Variants in MAGI1 observed in about 807,000 individuals in gnomAD.
MAGI1 encodes membrane-associated guanylate kinase, WW and PDZ domain-containing protein 1.
In MAGI1, 58 loss-of-function variants were observed where a neutral mutation model predicts 139.9. That is an observed-to-expected ratio of 0.41 (90% CI 0.34 to 0.52). The LOEUF is 0.52. Ranked by LOEUF, MAGI1 falls within the 20% of genes least tolerant of loss-of-function variation. MAGI1 has a pLI of 0.12. For missense variants in MAGI1, 1,874 were observed against 1,901.6 expected (o/e 0.99, Z 0.27); for synonymous variants, 812 against 737.9 (o/e 1.10, Z -1.63).
chr3:65,854,192 A>G (rs955071312), intron 1 of MAGI1, among the ~76,000 whole-genome samples: 6 of 144,426 alleles, frequency 4.2e-5, no homozygotes, highest in African/African-American at 1.6e-4. Context: ...AAAAAAAAAA[A>G]GCATCGGCTA....
At chr3:65,699,666 G>A (rs1396159456) in intron 1 of MAGI1, among the ~76,000 whole-genome samples, 1 of 142,766 alleles carries the variant, frequency 7.0e-6, no homozygotes. Context: ...TCATAGGTGG[G>A]AATTGAACAA....
chr3:65,841,848 G>A (rs1575670335), intron 1 of MAGI1, among the ~76,000 whole-genome samples: 2 of 152,050 alleles, frequency 1.3e-5, no homozygotes, highest in East Asian at 1.9e-4. Context: ...ATCAGGTCCC[G>A]AAATTTAGAG....
chr3:65,772,174 C>T (rs1255841990), intron 1 of MAGI1, among the ~76,000 whole-genome samples: 3 of 151,938 alleles, frequency 2.0e-5, no homozygotes, highest in East Asian at 1.9e-4. Context: ...CCAGCTTGAG[C>T]GACAGAGCAA....
intron 1 of MAGI1, among the ~76,000 whole-genome samples, chr3:65,852,170 C>T (rs1248001423): frequency 1.3e-5 from 2 of 152,186 alleles, no homozygotes; most frequent in African/African-American, 4.8e-5. Flanking sequence ...CTATATCTGT[C>T]CTCCTTGGTG....
chr3:65,967,903 G>A (rs752485247), intron 1 of MAGI1, among the ~76,000 whole-genome samples: 5 of 152,202 alleles, frequency 3.3e-5, no homozygotes, highest in African/African-American at 2.4e-5. Flanking sequence ...GGGAGGAGGC[G>A]TGAGTCTGCA....
intron 1 of MAGI1, among the ~76,000 whole-genome samples, chr3:65,992,327 C>T (rs989716274): frequency 6.6e-6 from 1 of 152,218 alleles, no homozygotes; most frequent in African/African-American, 2.4e-5. Context: ...CAAAGACAGT[C>T]CTTCCATAGA....
chr3:65,536,917 A>AG (rs2078984227), intron 2 of MAGI1, among the ~76,000 whole-genome samples: 1 of 152,144 alleles, frequency 6.6e-6, no homozygotes, highest in South Asian at 2.1e-4. Flanking sequence ...TGGTTTGGGT[A>AG]CCCAGAGCCA....
chr3:65,380,371 T>A (rs1942946768), intron 16 of MAGI1, among the ~76,000 whole-genome samples: 1 of 152,242 alleles, frequency 6.6e-6, no homozygotes, highest in Non-Finnish European at 1.5e-5. Flanking sequence ...GCATAACAAA[T>A]TTTTAAACCA....
At chr3:65,559,085 G>A (rs1448901378) in intron 2 of MAGI1, among the ~76,000 whole-genome samples, 3 of 152,100 alleles carry the variant, frequency 2.0e-5, no homozygotes, top group Non-Finnish European at 4.4e-5. Flanking sequence ...CAACAACAAA[G>A]AAGACAAAAG....
At chr3:65,469,510 T>G (rs1950417426) in intron 5 of MAGI1, among the ~76,000 whole-genome samples, 1 of 152,062 alleles carries the variant, frequency 6.6e-6, no homozygotes, top group African/African-American at 2.4e-5. Flanking sequence ...TCAGAAAAGC[T>G]AGTATTTACA....
chr3:65,695,580 T>C (rs2089101328), intron 1 of MAGI1, among the ~76,000 whole-genome samples: 1 of 152,228 alleles, frequency 6.6e-6, no homozygotes, highest in Non-Finnish European at 1.5e-5. Flanking sequence ...TCTGAAATTA[T>C]GAAGTTCATC....
intron 1 of MAGI1, among the ~76,000 whole-genome samples, chr3:65,926,361 C>CTCTCTT (rs2062513988): frequency 6.6e-6 from 1 of 151,320 alleles, no homozygotes; most frequent in Admixed American, 6.6e-5. Flanking sequence ...CTCTCTCTCT[C>CTCTCTT]TCTCTCTCCC....
intron 1 of MAGI1, among the ~76,000 whole-genome samples, chr3:65,807,452 C>T (rs925850624): frequency 6.6e-6 from 1 of 152,212 alleles, no homozygotes; most frequent in South Asian, 2.1e-4. Flanking sequence ...AAGGCCACAC[C>T]TCTTAACACT....
chr3:65,395,527 A>T (rs1414726169), intron 13 of MAGI1, among the ~76,000 whole-genome samples: 1 of 150,036 alleles, frequency 6.7e-6, no homozygotes, highest in East Asian at 2.0e-4. Flanking sequence ...CTGTAATCCC[A>T]GCTACTTGGG....
chr3:65,372,878 G>A (rs910779563), intron 18 of MAGI1, among the ~76,000 whole-genome samples: 1 of 152,202 alleles, frequency 6.6e-6, no homozygotes, highest in Non-Finnish European at 1.5e-5. Flanking sequence ...GAATTGAGGA[G>A]TTAGGAACTT....
At chr3:65,395,221 T>G (rs1944285031) in intron 13 of MAGI1, among the ~76,000 whole-genome samples, 14 of 152,176 alleles carry the variant, frequency 9.2e-5, no homozygotes, top group Admixed American at 9.2e-4. Context: ...TCCCTGGGAA[T>G]GTATCTAAGT....
intron 1 of MAGI1, among the ~76,000 whole-genome samples, chr3:66,010,587 C>T (rs76790856): frequency 0.065 from 9,848 of 152,236 alleles, 419 homozygotes; most frequent in African/African-American, 0.092. Context: ...CTCACTTACA[C>T]CATTATAATG....
intron 1 of MAGI1, among the ~76,000 whole-genome samples, chr3:65,899,081 C>T (rs4688609): frequency 0.12 from 18,207 of 152,052 alleles, 1,153 homozygotes; most frequent in East Asian, 0.19. Flanking sequence ...ACCACCACCA[C>T]GCTCAGCTAA....
At chr3:65,794,668 G>A (rs939729343) in intron 1 of MAGI1, among the ~76,000 whole-genome samples, 1 of 151,962 alleles carries the variant, frequency 6.6e-6, no homozygotes, top group Admixed American at 6.6e-5. Flanking sequence ...CGATGCCCCA[G>A]CAGGAGACCC....
Sources: allele counts gnomAD v4.1 joint callset (sites outside exome capture counted in the v4.1 genomes callset), GRCh38; gene constraint gnomAD v4.1.1; transcripts MANE v1.5; gene names NCBI Gene and HGNC (gene_info 2026-07-23, HGNC 2026-07-21).